The following SRGAP3 variants were observed in gnomAD, a reference collection of about 807,000 sequenced individuals.
SRGAP3 encodes SLIT-ROBO Rho GTPase-activating protein 3.
A neutral mutation model predicts 121.1 loss-of-function variants in SRGAP3; 39 were observed. The ratio of observed to expected loss-of-function variants is 0.32; its 90% CI spans 0.25 to 0.42. The LOEUF is 0.42. SRGAP3 is among the 10% of genes least tolerant of loss of function. The probability of loss-of-function intolerance (pLI) is 1.00; values close to 1 mark genes in which losing one functional copy is unlikely to be tolerated. For missense variants in SRGAP3, 1,213 were observed against 1,470.6 expected (o/e 0.82, Z 2.86); for synonymous variants, 601 against 570.0 (o/e 1.05, Z -0.77).
intron 1 of SRGAP3, among the ~76,000 whole-genome samples, chr3:9,180,112 G>T (rs966724320): frequency 5.3e-5 from 8 of 152,282 alleles, no homozygotes; most frequent in African/African-American, 1.9e-4. Context: ...AAGAGAAAGG[G>T]AGGGACAGAA....
At chr3:9,225,047 C>T (rs1487406459) in intron 1 of SRGAP3, among the ~76,000 whole-genome samples, 2 of 152,204 alleles carry the variant, frequency 1.3e-5, no homozygotes, top group African/African-American at 4.8e-5. Context: ...ATTCCTGCTT[C>T]TGGGTAAAGT....
chr3:9,270,750 G>A (rs1376375164), intron 3 of SRGAP3, among the ~76,000 whole-genome samples: 1 of 152,176 alleles, frequency 6.6e-6, no homozygotes, highest in East Asian at 1.9e-4. Flanking sequence ...ATTCAGAAGG[G>A]AGGTGGGAGT....
chr3:8,984,978 A>C lies in SRGAP3; in HGVS notation c.*541T>G, dbSNP rs937586708. ...AAATCCCACCAAATAACTCGGTGGG[A>C]GATGTTTGGTGGCATGGATCTGAGG... is the stretch of plus-strand genomic sequence containing the variant. On this transcript the variant is annotated 3_prime_UTR_variant, in exon 22 of 22. Transcript: ENST00000383836. 2 of 228,448 alleles carry C rather than the reference A, an allele frequency of 8.8e-6. No individual in the cohort carries two copies. The highest frequency in any genetic ancestry group is 1.3e-4 in the East Asian group (2 of 15,936). The allele number at this position is 228,448 out of a possible 1,614,324, so 14.2% of individuals were successfully genotyped here. A position where few individuals can be genotyped will look rare whatever the true frequency, so the allele number is the denominator to read the frequency against.
chr3:9,260,251 A>T (rs955949474), intron 3 of SRGAP3, among the ~76,000 whole-genome samples: 2 of 152,156 alleles, frequency 1.3e-5, no homozygotes, highest in Non-Finnish European at 1.5e-5. Context: ...AGCTAGCTGC[A>T]GGAGTTTTTT....
chr3:9,267,639 G>A (rs1954392072), intron 3 of SRGAP3, among the ~76,000 whole-genome samples: 1 of 152,128 alleles, frequency 6.6e-6, no homozygotes, highest in Non-Finnish European at 1.5e-5. Flanking sequence ...TATTTCCCAG[G>A]TCACACCTCT....
chr3:9,330,706 C>T (rs1955592440), intron 1 of SRGAP3: 3 of 152,120 alleles, frequency 2.0e-5, no homozygotes, highest in Admixed American at 2.0e-4. Flanking sequence ...ACAGAGACTC[C>T]ATGGGTAGCT....
At chr3:9,146,246 C>T (rs1282140276) in intron 1 of SRGAP3, among the ~76,000 whole-genome samples, 1 of 152,202 alleles carries the variant, frequency 6.6e-6, no homozygotes, top group Non-Finnish European at 1.5e-5. Flanking sequence ...GAACCCCATG[C>T]GTGGAGTGCC....
At chr3:9,088,894 G>A (rs947616420) in intron 3 of SRGAP3, among the ~76,000 whole-genome samples, 1 of 152,006 alleles carries the variant, frequency 6.6e-6, no homozygotes, top group Non-Finnish European at 1.5e-5. Flanking sequence ...GCTGGTCCAG[G>A]TGACCACAGT....
chr3:9,196,628 C>T (rs1332780073), intron 1 of SRGAP3, among the ~76,000 whole-genome samples: 1 of 152,148 alleles, frequency 6.6e-6, no homozygotes, highest in Non-Finnish European at 1.5e-5. Context: ...AGCATCAATG[C>T]TGACTTTTTA....
At chr3:9,295,164 GATTGAAT>G (rs1444285096) in intron 3 of SRGAP3, among the ~76,000 whole-genome samples, 63 of 152,292 alleles carry the variant, frequency 4.1e-4, no homozygotes, top group African/African-American at 1.5e-3. Flanking sequence ...ACTCATGCCT[GATTGAAT>G]AACAGGGTTA....
intron 3 of SRGAP3, among the ~76,000 whole-genome samples, chr3:9,298,612 G>C (rs563771359): frequency 5.9e-5 from 9 of 152,184 alleles, no homozygotes; most frequent in Non-Finnish European, 1.0e-4. Flanking sequence ...ACAATGCAGA[G>C]GAAATGATGT....
chr3:9,056,379 T>A, intron 7 of SRGAP3, 45 bp from the exon 8 acceptor site: 4 of 1,576,852 alleles, frequency 2.5e-6, no homozygotes, highest in Non-Finnish European at 3.5e-6. Context: ...TGTGCCCTCC[T>A]CACCTGTGTG....
intron 21 of SRGAP3, among the ~76,000 whole-genome samples, chr3:8,987,873 C>T (rs900202764): frequency 6.6e-6 from 1 of 152,156 alleles, no homozygotes; most frequent in Non-Finnish European, 1.5e-5. Context: ...TTCCTGGAGC[C>T]GAGCCGCCCT....
rs141253236 is a variant in SRGAP3, at chr3:9,158,998, C to T, written c.68-34081G>A. 7.3e-3 allele frequency among the ~76,000 whole-genome samples: 1,114 copies of T among 152,316 alleles called. 25 individuals are homozygous for T. Among genetic ancestry groups the T allele is most frequent in the African/African-American group, 0.025 (1,060 of 41,570 alleles). On this transcript the variant is annotated intron_variant, in intron 1 of 21. Coordinates refer to ENST00000383836, the MANE Select transcript of SRGAP3 (RefSeq NM_014850.4). The stretch of plus-strand genomic sequence containing the variant: ...TACTCACCCTAGTCTCTGCGCTGCT[C>T]ACATGCCTGAGATGGAGCTCCTCTG...
intron 18 of SRGAP3, 89 bp from the exon 19 acceptor site, chr3:8,994,612 G>T: frequency 6.5e-7 from 1 of 1,537,320 alleles, no homozygotes; most frequent in Non-Finnish European, 8.9e-7. Flanking sequence ...CTTCTCTGGG[G>T]AAGGATAGAC....
intron 14 of SRGAP3, among the ~76,000 whole-genome samples, chr3:9,025,007 G>T (rs1230135844): frequency 6.6e-6 from 1 of 152,054 alleles, no homozygotes; most frequent in Non-Finnish European, 1.5e-5. Context: ...GGTAAATGTT[G>T]AACAGTTAAC....
intron 6 of SRGAP3, chr3:9,059,238 C>T (rs1212024480): frequency 6.6e-6 from 1 of 152,272 alleles, no homozygotes; most frequent in African/African-American, 2.4e-5. Flanking sequence ...GCGAGGTAAG[C>T]TCCCCGAGGG....
chr3:8,999,963 C>G (rs991763969), intron 18 of SRGAP3, among the ~76,000 whole-genome samples: 1 of 152,174 alleles, frequency 6.6e-6, no homozygotes, highest in African/African-American at 2.4e-5. Context: ...TCAAGAAAAT[C>G]TATAAAAATT....
At chr3:9,241,755 C>G (rs767430916) in intron 1 of SRGAP3, among the ~76,000 whole-genome samples, 4 of 152,016 alleles carry the variant, frequency 2.6e-5, no homozygotes, top group Non-Finnish European at 5.9e-5. Context: ...ATGGGTCCCT[C>G]CTGATGGTAT....
Sources: allele counts gnomAD v4.1 joint callset (sites outside exome capture counted in the v4.1 genomes callset), GRCh38; gene constraint gnomAD v4.1.1; transcripts MANE v1.5; gene names NCBI Gene and HGNC (gene_info 2026-07-23, HGNC 2026-07-21).